Variants in TRIO observed in about 807,000 individuals in gnomAD.
TRIO encodes the protein trio Rho guanine nucleotide exchange factor, also known as triple functional domain protein.
A neutral mutation model predicts 351.9 loss-of-function variants in TRIO; 58 were observed. The observed-to-expected ratio is 0.16, with a 90% CI of 0.13 to 0.21. The LOEUF (loss-of-function observed/expected upper bound fraction) is 0.21. TRIO is among the 10% of genes least tolerant of loss of function. The pLI, the probability that TRIO is intolerant of heterozygous loss-of-function variation, is 1.00. For synonymous variants in TRIO, 1,758 were observed against 1,595.7 expected (o/e 1.10, Z -2.42); for missense variants, 3,201 against 4,027.8 (o/e 0.79, Z 5.56).
chr5:14,307,421 C>G (rs1476625387), intron 8 of TRIO, among the ~76,000 whole-genome samples: 2 of 152,228 alleles, frequency 1.3e-5, no homozygotes, highest in Non-Finnish European at 2.9e-5. Flanking sequence ...CTTTCTCTGC[C>G]TTTATGTCTT....
chr5:14,443,026 T>A (rs1752185573), intron 34 of TRIO, among the ~76,000 whole-genome samples: 1 of 152,252 alleles, frequency 6.6e-6, no homozygotes, highest in Admixed American at 6.5e-5. Flanking sequence ...GAGGGAATTT[T>A]TGAATCTTAG....
At chr5:14,150,440 C>A (rs40301) in intron 1 of TRIO, among the ~76,000 whole-genome samples, 106,477 of 151,736 alleles carry the variant, frequency 0.7, 38,696 homozygotes, top group African/African-American at 0.91. Flanking sequence ...ACACACACAC[C>A]GTTTAACTGT....
At position 14,507,346 on chromosome 5, in the gene TRIO, C is replaced by T. The variant is rs1757767659; in HGVS notation, c.8751+86C>T. ...CACAGAGCCCCCTCTGAAGCCAGGC[C>T]AGGAGCCCCCAAGTGACTAGGGACA... On this transcript the variant is annotated intron_variant, in intron 56 of 56. Coordinates refer to ENST00000344204, the MANE Select transcript of TRIO (RefSeq NM_007118.4). 4 of 1,558,118 alleles carry T rather than the reference C, an allele frequency of 2.6e-6. No homozygotes were observed. In the South Asian group the frequency reaches 3.5e-5, roughly 14 times the overall value.
At chr5:14,469,497 A>G (rs1337760433) in intron 37 of TRIO, among the ~76,000 whole-genome samples, 5 of 152,262 alleles carry the variant, frequency 3.3e-5, no homozygotes, top group Admixed American at 2.0e-4. Context: ...TCTTCATGTA[A>G]GAAAGAGAGG....
intron 28 of TRIO, among the ~76,000 whole-genome samples, chr5:14,394,867 A>G (rs1476863179): frequency 6.6e-6 from 1 of 152,346 alleles, no homozygotes; most frequent in East Asian, 1.9e-4. Context: ...ATTATATATC[A>G]TCAATACACA....
At chr5:14,320,171 C>T (rs115553873) in intron 9 of TRIO, among the ~76,000 whole-genome samples, 1,962 of 152,166 alleles carry the variant, frequency 0.013, 43 homozygotes, top group African/African-American at 0.045. Flanking sequence ...TAACTCTCAG[C>T]GAAGGTTTGG....
chr5:14,467,133 A>G (rs1008729691), intron 37 of TRIO, among the ~76,000 whole-genome samples: 8 of 152,212 alleles, frequency 5.3e-5, no homozygotes, highest in Admixed American at 6.5e-5. Context: ...TATATTCCTA[A>G]TACATACTTG....
At chr5:14,217,624 G>A (rs1449603686) in intron 1 of TRIO, among the ~76,000 whole-genome samples, 1 of 152,160 alleles carries the variant, frequency 6.6e-6, no homozygotes, top group Non-Finnish European at 1.5e-5. Context: ...ATGATGACAA[G>A]GGCATACCTG....
intron 1 of TRIO, among the ~76,000 whole-genome samples, chr5:14,202,293 G>GTTTTTTTTTTTTTT (rs1561196197): frequency 2.9e-5 from 1 of 34,350 alleles, no homozygotes; most frequent in African/African-American, 1.0e-4. Context: ...ATATTTTTGT[G>GTTTTTTTTTTTTTT]ATTTTTTTTT....
At chr5:14,499,392 TC>T (rs1313627621) in intron 53 of TRIO, among the ~76,000 whole-genome samples, 2 of 152,186 alleles carry the variant, frequency 1.3e-5, no homozygotes, top group African/African-American at 2.4e-5. Context: ...TGTGGACTGT[TC>T]TCTGCTGCCA....
chr5:14,258,337 G>GGT, intron 1 of TRIO, among the ~76,000 whole-genome samples: 1 of 152,316 alleles, frequency 6.6e-6, no homozygotes, highest in East Asian at 1.9e-4. Flanking sequence ...CTCCCTGCAG[G>GGT]GTACTGGAAT....
chr5:14,183,524 G>A (rs1789917487), intron 1 of TRIO, among the ~76,000 whole-genome samples: 1 of 151,728 alleles, frequency 6.6e-6, no homozygotes, highest in Admixed American at 6.6e-5. Context: ...TACTTTCTTT[G>A]ACTAAAATTG....
intron 8 of TRIO, among the ~76,000 whole-genome samples, chr5:14,308,181 C>A (rs1738541071): frequency 1.3e-5 from 2 of 152,124 alleles, no homozygotes; most frequent in South Asian, 4.1e-4. Flanking sequence ...TGCTTCTAGA[C>A]CCTCTTAGCA....
At chr5:14,492,074 A>T (rs1673612715) in intron 48 of TRIO, among the ~76,000 whole-genome samples, 1 of 152,252 alleles carries the variant, frequency 6.6e-6, no homozygotes, top group African/African-American at 2.4e-5. Flanking sequence ...TAGAGTATGC[A>T]TTCCCAATGA....
chr5:14,313,424 A>T (rs1009910723), intron 8 of TRIO, among the ~76,000 whole-genome samples: 6 of 152,174 alleles, frequency 3.9e-5, no homozygotes, highest in Non-Finnish European at 8.8e-5. Context: ...TATTGCATGG[A>T]ATGTTGTTGC....
At chr5:14,211,641 A>G (rs1791906629) in intron 1 of TRIO, among the ~76,000 whole-genome samples, 2 of 138,516 alleles carry the variant, frequency 1.4e-5, no homozygotes, top group African/African-American at 5.4e-5. Flanking sequence ...AGAAATTAAT[A>G]AGAACAGTCT....
At chr5:14,158,554 G>A (rs1788251232) in intron 1 of TRIO, among the ~76,000 whole-genome samples, 2 of 152,208 alleles carry the variant, frequency 1.3e-5, no homozygotes, top group African/African-American at 4.8e-5. Flanking sequence ...TGATGAGGCT[G>A]GAAACGGTGA....
chr5:14,278,813 G>A (rs1554046553), intron 2 of TRIO, among the ~76,000 whole-genome samples: 1 of 152,158 alleles, frequency 6.6e-6, no homozygotes, highest in Non-Finnish European at 1.5e-5. Flanking sequence ...ATTCATAAAT[G>A]TTAGCCCCCT....
chr5:14,276,802 G>A (rs968877919), intron 2 of TRIO, among the ~76,000 whole-genome samples: 1 of 152,242 alleles, frequency 6.6e-6, no homozygotes, highest in Non-Finnish European at 1.5e-5. Flanking sequence ...AGGTGATTGT[G>A]AATCTAGCTG....
Sources: gnomAD v4.1 joint callset for allele counts (sites outside exome capture counted in the v4.1 genomes callset) on GRCh38, gnomAD v4.1.1 for gene constraint, MANE v1.5 for transcripts, NCBI Gene and HGNC (gene_info 2026-07-23, HGNC 2026-07-21) for gene names.